RNF19B: variants seen among roughly 807,000 people sequenced by gnomAD.
RNF19B encodes E3 ubiquitin-protein ligase RNF19B.
In RNF19B, 23 loss-of-function variants were observed where a neutral mutation model predicts 65.5. The observed-to-expected ratio is 0.35, with a 90% CI of 0.25 to 0.50. The LOEUF is 0.50. Among genes scored for constraint, RNF19B ranks in the 20% least tolerant of loss-of-function variants. RNF19B has a pLI of 0.98. For synonymous variants in RNF19B, 372 were observed against 379.6 expected, an observed-to-expected ratio of 0.98 and a Z score of 0.23; for missense variants, 794 against 980.0, an observed-to-expected ratio of 0.81 and a Z score of 2.53.
chr1:32,935,541 C>T (rs942356083), downstream of RNF19B, among the ~76,000 whole-genome samples: 6 of 152,202 alleles, frequency 3.9e-5, no homozygotes, highest in Admixed American at 3.9e-4. Flanking sequence ...ATTTTGAGGG[C>T]ATACCCCCTC....
In RNF19B at chr1:32,938,437, T is replaced by C. The variant is rs1297880781; in HGVS notation, c.1702A>G (p.Met568Val). Residue 568 changes from methionine to valine, a missense_variant, in exon 8 of 9, where the codon ATG (methionine) becomes GTG (valine). Transcript: ENST00000235150. ...TAGGAACTGATTATGGAACCGGCCATAGCACGAGTGCTTGCGTTGTCACTA... is the reference window on the plus strand; with the variant it reads ...TAGGAACTGATTATGGAACCGGCCACAGCACGAGTGCTTGCGTTGTCACTA... ...AISDNASTRA[M>V]AGSIISSYNP... is the part of the protein sequence containing the mutation. 8.1e-6 allele frequency: 13 copies of C among 1,614,208 alleles called. No homozygotes were observed. The highest frequency in any genetic ancestry group is 1.1e-5 in the South Asian group (1 of 91,086).
At chr1:32,962,827 T>C (rs959516401) in intron 1 of RNF19B, among the ~76,000 whole-genome samples, 26 of 152,146 alleles carry the variant, frequency 1.7e-4, no homozygotes, top group Admixed American at 1.5e-3. Context: ...TCCCAACTAC[T>C]TAAATGAGCC....
rs373819199 is a variant in RNF19B, at chr1:32,936,868, G to A, written c.2134C>T (p.Leu712Phe). ...GAPSPSAHMN[L>F]SALAEGQTVL... Reference sequence around the variant, plus strand: ...GTTTGTCCCTCGGCTAGGGCAGAGAGGTTCATATGGGCACTTGGGCTCGGT... The same window carrying A: ...GTTTGTCCCTCGGCTAGGGCAGAGAAGTTCATATGGGCACTTGGGCTCGGT... The change falls in exon 9 of 9, where the codon CTC (leucine) becomes TTC (phenylalanine). Residue 712 changes from leucine to phenylalanine, a missense_variant. By Grantham distance (22) the Leu-to-Phe change is conservative. This residue lies in a region of RNF19B where 368 missense variants were observed against 447.3 expected (regional missense o/e 0.82). Coordinates refer to ENST00000235150, the MANE Select transcript of RNF19B (RefSeq NM_001300826.2). 9.9e-6 allele frequency: 16 copies of A among 1,611,286 alleles called. No homozygotes were observed. The East Asian group carries it at 3.3e-4, about 34-fold the overall frequency.
intron 3 of RNF19B, among the ~76,000 whole-genome samples, chr1:32,947,811 T>A (rs1237044165): frequency 2.6e-5 from 4 of 151,990 alleles, no homozygotes; most frequent in Non-Finnish European, 5.9e-5. Flanking sequence ...ACGATATTTA[T>A]GACAAAAGAT....
chr1:32,938,140 C>CAAAAA (rs80176999), intron 8 of RNF19B, among the ~76,000 whole-genome samples: 60 of 46,040 alleles, frequency 1.3e-3, no homozygotes, highest in Middle Eastern at 0.016. Flanking sequence ...CCAAGAAAGA[C>CAAAAA]AAAAAAAAAA....
chr1:32,935,384 CTGCCTCAGCCTCCCAAAG>C (rs1642079875), downstream of RNF19B, among the ~76,000 whole-genome samples: 1 of 152,208 alleles, frequency 6.6e-6, no homozygotes, highest in Admixed American at 6.5e-5. Context: ...GGTGATCCAC[CTGCCTCAGCCTCCCAAAG>C]TGCTGGGATT....
At chr1:32,931,116 A>G in the RNF19B span, among the ~76,000 whole-genome samples, 1 of 152,190 alleles carries the variant, frequency 6.6e-6, no homozygotes, top group Non-Finnish European at 1.5e-5. Flanking sequence ...TAGCTGCTAA[A>G]GCCAATATGC....
intron 1 of RNF19B, among the ~76,000 whole-genome samples, chr1:32,960,250 T>C (rs1038768951): frequency 6.6e-6 from 1 of 152,222 alleles, no homozygotes; most frequent in African/African-American, 2.4e-5. Context: ...GTAAAACTAA[T>C]GATCAGAACC....
chr1:32,954,613 C>T (rs1310093507), intron 1 of RNF19B, among the ~76,000 whole-genome samples: 3 of 151,690 alleles, frequency 2.0e-5, no homozygotes, highest in Admixed American at 1.3e-4. Context: ...GTGGCGCATG[C>T]CTGTAATCCA....
At chr1:32,955,561 C>A (rs1404962097) in intron 1 of RNF19B, among the ~76,000 whole-genome samples, 1 of 150,868 alleles carries the variant, frequency 6.6e-6, no homozygotes, top group Non-Finnish European at 1.5e-5. Context: ...AAAACCCCAT[C>A]TCTACAAAAA....
chr1:32,932,751 G>A (rs1017230216), downstream of RNF19B, among the ~76,000 whole-genome samples: 1 of 151,812 alleles, frequency 6.6e-6, no homozygotes, highest in Non-Finnish European at 1.5e-5. Flanking sequence ...CTTCAGAGTT[G>A]TTTGGCTAAT....
downstream of RNF19B, among the ~76,000 whole-genome samples, chr1:32,934,435 C>T (rs1001842000): frequency 6.6e-6 from 1 of 152,168 alleles, no homozygotes; most frequent in Non-Finnish European, 1.5e-5. Flanking sequence ...AATCCCAGCA[C>T]TTTAGGAGGC....
Position 32,964,392 on chromosome 1 carries a change from C to A in RNF19B, c.294G>T (p.Glu98Asp). The change falls in exon 1 of 9, where the codon GAG (glutamate) becomes GAT (aspartate). Residue 98 changes from glutamate (E) to aspartate (D), a missense_variant. Physicochemically the swap from Glu to Asp is conservative, Grantham distance 45 (BLOSUM62 2). This residue lies in a region of RNF19B where 374 missense variants were observed against 423.8 expected (regional missense o/e 0.88). Transcript: ENST00000235150. This position sits in a 1 kb window ranked among gnomAD's most constrained non-coding sequence, Gnocchi z 6.5. Reference sequence around the variant, plus strand: ...CCGCCTCCTCATCGTCGAACCCAGGCTCCGCCGCCGCCGCCGCGGCCTCCG... The same window carrying A: ...CCGCCTCCTCATCGTCGAACCCAGGATCCGCCGCCGCCGCCGCGGCCTCCG... ...AEAEAAAAAA[E>D]PGFDDEEAAE... is the part of the protein sequence containing the mutation. The A allele has an allele frequency of 7.6e-7, 1 of 1,313,940 alleles. No homozygotes were observed. The highest frequency in any genetic ancestry group is 2.1e-5 in the South Asian group (1 of 46,534). 81.4% of individuals were successfully genotyped at this position (1,313,940 alleles called of 1,614,324 possible).
At position 32,949,447 on chromosome 1, in the gene RNF19B, A is replaced by C. The variant is rs942354312; in HGVS notation, c.841+122T>G. 7 of 714,746 alleles carry C rather than the reference A, an allele frequency of 9.8e-6. No individual in the cohort carries two copies. In the African/African-American group the frequency reaches 1.2e-4, roughly 13 times the overall value. 44.3% of individuals were successfully genotyped at this position (714,746 alleles called of 1,614,324 possible). A position where few individuals can be genotyped will look rare whatever the true frequency, so the allele number is the denominator to read the frequency against. On this transcript the variant is annotated intron_variant, in intron 2 of 8. Transcript: ENST00000235150. ...ATAATATTGAAAGTATTATCAAATGATATTTTCTGCTCTCTGATCCTTTGG... is the reference window on the plus strand; with the variant it reads ...ATAATATTGAAAGTATTATCAAATGCTATTTTCTGCTCTCTGATCCTTTGG...
chr1:32,962,977 T>C (rs1642807315), intron 1 of RNF19B, among the ~76,000 whole-genome samples: 1 of 152,232 alleles, frequency 6.6e-6, no homozygotes, highest in African/African-American at 2.4e-5. Context: ...AGATATTGCA[T>C]ATTTTAATTT....
chr1:32,940,034 C>G (rs1406650602), intron 7 of RNF19B, among the ~76,000 whole-genome samples: 1 of 152,234 alleles, frequency 6.6e-6, no homozygotes, highest in Non-Finnish European at 1.5e-5. Context: ...TTCCATCCTA[C>G]TGCCTGAGCC....
Position 32,964,013 on chromosome 1 carries a change from G to T in RNF19B, c.635+38C>A. On this transcript the variant is annotated intron_variant, in intron 1 of 8. Transcript: ENST00000235150. The surrounding 1 kb of genome is among the most constrained non-coding windows in gnomAD (Gnocchi z 6.5). ...CTGCCCCCAGCCACGCCCCTCGGCT[G>T]CAGCCCGCCGCCACCCGCGCCACGC... 1 of 1,406,408 alleles carries T rather than the reference G, an allele frequency of 7.1e-7. No individual in the cohort carries two copies. The allele number at this position is 1,406,408 out of a possible 1,614,324, so 87.1% of individuals were successfully genotyped here.
At position 32,938,442 on chromosome 1, in the gene RNF19B, C is replaced by T. The variant is rs934324408; in HGVS notation, c.1697G>A (p.Arg566His). 8.1e-6 allele frequency: 13 copies of T among 1,614,056 alleles called. No individual in the cohort carries two copies. The highest frequency in any genetic ancestry group is 1.0e-5 in the Non-Finnish European group (12 of 1,180,038). The change falls in exon 8 of 9, where the codon CGT becomes CAT. Residue 566 changes from arginine to histidine, a missense_variant. Coordinates refer to ENST00000235150, the MANE Select transcript of RNF19B (RefSeq NM_001300826.2). ...ACTGATTATGGAACCGGCCATAGCA[C>T]GAGTGCTTGCGTTGTCACTAATTGC... is the stretch of plus-strand genomic sequence containing the variant. ...LGAISDNAST[R>H]AMAGSIISSY...
chr1:32,945,725 T>A, intron 4 of RNF19B, 97 bp from the exon 5 acceptor site: 1 of 686,846 alleles, frequency 1.5e-6, no homozygotes, highest in Non-Finnish European at 2.6e-6. Flanking sequence ...GTAAGTTATC[T>A]ATATTAAAAC....
Sources: allele counts gnomAD v4.1 joint callset (sites outside exome capture counted in the v4.1 genomes callset), GRCh38; gene constraint gnomAD v4.1.1; regional missense constraint gnomAD v4.1.1; non-coding constraint Gnocchi (gnomAD v3.1); transcripts MANE v1.5; gene names NCBI Gene and HGNC (gene_info 2026-07-23, HGNC 2026-07-21).